The following FBN3 variants were observed in gnomAD, a reference collection of about 807,000 sequenced individuals.
FBN3 encodes fibrillin 3, also known as fibrillin-3.
A neutral mutation model predicts 330.1 loss-of-function variants in FBN3; 234 were observed. The ratio of observed to expected loss-of-function variants is 0.71; its 90% CI spans 0.64 to 0.79. The LOEUF (loss-of-function observed/expected upper bound fraction) is 0.79. FBN3 is among the 30% of genes least tolerant of loss of function. The probability of loss-of-function intolerance (pLI) is 0.00; values close to 1 mark genes in which losing one functional copy is unlikely to be tolerated. For missense variants in FBN3, 3,606 were observed against 3,886.9 expected (o/e 0.93, Z 1.92); for synonymous variants, 1,458 against 1,517.3 (o/e 0.96, Z 0.91).
In FBN3 at chr19:8,091,528, C is replaced by T. The variant is rs2082095014; in HGVS notation, c.5968G>A (p.Gly1990Arg). ...CLFGTCTNSP[G>R]SFQCLCPPGF... Reference sequence around the variant, plus strand: ...GGTGGGCAGAGGCACTGGAAGCTCCCAGGGCTGTTGGTACAGGTGCCAAAG... The same window carrying T: ...GGTGGGCAGAGGCACTGGAAGCTCCTAGGGCTGTTGGTACAGGTGCCAAAG... Residue 1990 changes from glycine to arginine, a missense_variant, in exon 48 of 64, where the codon GGG (glycine) becomes AGG (arginine). By Grantham distance (125) the Gly-to-Arg change is moderately radical (BLOSUM62 -2). Transcript: ENST00000600128. 2 of 1,614,190 alleles carry T rather than the reference C, an allele frequency of 1.2e-6. No homozygotes were observed. Among genetic ancestry groups the T allele is most frequent in the Non-Finnish European group, 1.7e-6 (2 of 1,180,042 alleles).
In FBN3 at chr19:8,084,848, A is replaced by C. The variant is rs970060674; in HGVS notation, c.7087+515T>G. 3.6e-4 allele frequency among the ~76,000 whole-genome samples: 54 copies of C among 151,564 alleles called. 2 individuals carry two copies. Among genetic ancestry groups the C allele is most frequent in the Admixed American group, 3.5e-3 (54 of 15,226 alleles). Reference sequence around the variant, plus strand: ...GGTGATCCGGCCGCCTCAGCCTCCCAAAGTGCTGGGATTACAAGTGTGAGC... The same window carrying C: ...GGTGATCCGGCCGCCTCAGCCTCCCCAAGTGCTGGGATTACAAGTGTGAGC... On this transcript the variant is annotated intron_variant, in intron 56 of 63. Transcript: ENST00000600128.
chr19:8,071,936 G>A, intron 63 of FBN3, 112 bp downstream of exon 63: 3 of 1,105,622 alleles, frequency 2.7e-6, no homozygotes, highest in Non-Finnish European at 3.8e-6. Context: ...TTGGGATCTG[G>A]AGCCTGGTGC....
Position 8,138,186 on chromosome 19 carries a change from C to T in FBN3, c.1156G>A (p.Asp386Asn), listed in dbSNP as rs929042858. 2 of 1,613,174 alleles carry T rather than the reference C, an allele frequency of 1.2e-6. No homozygotes were observed. Among genetic ancestry groups the T allele is most frequent in the African/African-American group, 2.7e-5 (2 of 75,042 alleles). The change falls in exon 10 of 64, where the codon GAT (aspartate) becomes AAT (asparagine). Residue 386 changes from aspartate (D) to asparagine (N), a missense_variant. Coordinates refer to ENST00000600128, the MANE Select transcript of FBN3 (RefSeq NM_032447.5). ...GPARLNPHGS[D>N]ARGIPSLGPG... ...CCCAGGCTGGGGATCCCACGCGCAT[C>T]AGAGCCATGGGGGTTGAGTCGCGCT... is the stretch of plus-strand genomic sequence containing the variant.
Position 8,146,202 on chromosome 19 carries a change from C to T in FBN3, c.274G>A (p.Glu92Lys). 6.3e-7 allele frequency: 1 copy of T among 1,599,058 alleles called. No individual in the cohort carries two copies. The highest frequency in any genetic ancestry group is 8.5e-7 in the Non-Finnish European group (1 of 1,174,274). ...VVPICRRACG[E>K]GFCSQPNLCT... ...AGGTTGGGCTGGGAGCAGAAGCCTTCACCGCAGGCGCGCCTACAGATGGCT... is the reference window on the plus strand; with the variant it reads ...AGGTTGGGCTGGGAGCAGAAGCCTTTACCGCAGGCGCGCCTACAGATGGCT... Residue 92 changes from glutamate to lysine, a missense_variant, in exon 4 of 64, where the codon GAA becomes AAA. Coordinates refer to ENST00000600128, the MANE Select transcript of FBN3 (RefSeq NM_032447.5).
At position 8,131,688 on chromosome 19, in the gene FBN3, G is replaced by T. The variant is rs761545995; in HGVS notation, c.1856C>A (p.Thr619Asn). Residue 619 changes from threonine to asparagine, a missense_variant, in exon 15 of 64, where the codon ACC becomes AAC. Coordinates refer to ENST00000600128, the MANE Select transcript of FBN3 (RefSeq NM_032447.5). The surrounding 1 kb of genome is among the most constrained non-coding windows in gnomAD (Gnocchi z 4.5). The stretch of plus-strand genomic sequence containing the variant: ...GCCCTTCTCGATGGCCCCATAGCAG[G>T]TGCTGCGCACGTGGGTGTCCACGCA... Reference protein sequence around the residue: ...RVCVDTHVRSTCYGAIEKGSC... With the variant: ...RVCVDTHVRSNCYGAIEKGSC... 3 of 1,614,168 alleles carry T rather than the reference G, an allele frequency of 1.9e-6. No individual in the cohort carries two copies. Among genetic ancestry groups the T allele is most frequent in the South Asian group, 2.2e-5 (2 of 91,082 alleles).
intron 13 of FBN3, 25 bp downstream of exon 13, chr19:8,135,936 G>GAACCCCC: frequency 1.5e-6 from 1 of 668,778 alleles, no homozygotes. Flanking sequence ...GGAAGCCCCT[G>GAACCCCC]CCCACCCGCC....
chr19:8,106,259 T>C (rs2082436714), intron 37 of FBN3, 26 bp from the exon 38 acceptor site: 1 of 1,613,868 alleles, frequency 6.2e-7, no homozygotes, highest in African/African-American at 1.3e-5. Context: ...GAAGCCAAGC[T>C]TGGGAGCTAA....
At chr19:8,110,158 C>A (rs530146789) in intron 34 of FBN3, among the ~76,000 whole-genome samples, 1 of 152,196 alleles carries the variant, frequency 6.6e-6, no homozygotes, top group Non-Finnish European at 1.5e-5. Context: ...TGGGCTCAAG[C>A]GATCCTTCTG....
intron 19 of FBN3, 47 bp downstream of exon 19, chr19:8,126,666 A>G (rs753748621): frequency 1.3e-6 from 2 of 1,590,702 alleles, no homozygotes; most frequent in Non-Finnish European, 1.7e-6. Flanking sequence ...ACCCTGACCC[A>G]TAGACGCCCA....
intron 58 of FBN3, 74 bp downstream of exon 58, chr19:8,081,284 A>C: frequency 6.6e-7 from 1 of 1,525,750 alleles, no homozygotes; most frequent in Non-Finnish European, 8.9e-7. Flanking sequence ...TGCAGGGGAC[A>C]TGTCTTGGGC....
In FBN3 at chr19:8,133,104, G is replaced by A. The variant is rs774659971; in HGVS notation, c.1594C>T (p.His532Tyr). Residue 532 changes from histidine to tyrosine, a missense_variant and splice_region_variant, in exon 14 of 64, where the codon CAC becomes TAC. Coordinates refer to ENST00000600128, the MANE Select transcript of FBN3 (RefSeq NM_032447.5). ...LSPDGKNCVD[H>Y]NECATSTMCV... ...ATGGTGCTGGTGGCACACTCGTTGT[G>A]GTCTGGGGACAACAGCAGAGGCTGG... The A allele has an allele frequency of 1.1e-5, 18 of 1,572,418 alleles. No homozygotes were observed. The South Asian group carries it at 2.0e-4, about 17-fold the overall frequency.
intron 57 of FBN3, among the ~76,000 whole-genome samples, 157 bp from the exon 58 acceptor site, chr19:8,081,637 A>C (rs2081787680): frequency 6.6e-6 from 1 of 152,154 alleles, no homozygotes; most frequent in African/African-American, 2.4e-5. Flanking sequence ...TGGGAAATAC[A>C]TTTGGTTTTG....
At chr19:8,135,544 T>C (rs1292964968) in intron 13 of FBN3, among the ~76,000 whole-genome samples, 1 of 132,756 alleles carries the variant, frequency 7.5e-6, no homozygotes, top group Non-Finnish European at 1.6e-5. Context: ...ACAGGCGTGA[T>C]CCACTACACT....
At chr19:8,144,647 C>T (rs531078375) in intron 6 of FBN3, among the ~76,000 whole-genome samples, 23 of 151,972 alleles carry the variant, frequency 1.5e-4, no homozygotes, top group African/African-American at 5.3e-4. Flanking sequence ...CTGGCACATC[C>T]TCTCTCTTTC....
At chr19:8,130,665 GAAAAGAAAAGAAAAGAAAA>G (rs1568440610) in intron 16 of FBN3, among the ~76,000 whole-genome samples, 7 of 109,530 alleles carry the variant, frequency 6.4e-5, no homozygotes, top group African/African-American at 2.0e-4. Flanking sequence ...GAAAGGAAAA[GAAAAGAAAAGAAAAGAAAA>G]GAAAAGAAAA....
At position 8,109,445 on chromosome 19, in the gene FBN3, G is replaced by A. The variant is rs536352176; in HGVS notation, c.4457-57C>T. 6.7e-5 allele frequency: 106 copies of A among 1,585,408 alleles called. No individual in the cohort carries two copies. The highest frequency in any genetic ancestry group is 1.7e-4 in the Middle Eastern group (1 of 6,020). On this transcript the variant is annotated intron_variant, in intron 35 of 63. Transcript: ENST00000600128. The surrounding 1 kb of genome is among the most constrained non-coding windows in gnomAD (Gnocchi z 5.2). The stretch of plus-strand genomic sequence containing the variant: ...GTCAGAGGGAAAGCTGTATGTGTGC[G>A]TGTGCATGCATGTGTCTATTTCAAC...
Position 8,109,384 on chromosome 19 carries a change from A to C in FBN3, c.4461T>G (p.Thr1487=). ...TCTCCAGGAAACAGTTCCCGGCCCG[A>C]GTGTCTGAACAGGCAGAAGGGGATG... ...LNPSGVGCVD[T]RAGNCFLETH... is the part of the protein sequence containing the mutation. The change falls in exon 36 of 64, where the codon ACT becomes ACG. Residue 1487 remains threonine, a synonymous_variant. Transcript: ENST00000600128. The surrounding 1 kb of genome is among the most constrained non-coding windows in gnomAD (Gnocchi z 5.2). 1 of 1,614,076 alleles carries C rather than the reference A, an allele frequency of 6.2e-7. No homozygotes were observed. The highest frequency in any genetic ancestry group is 8.5e-7 in the Non-Finnish European group (1 of 1,179,998).
chr19:8,146,120 C>T lies in FBN3; in HGVS notation c.349+7G>A, dbSNP rs760959489. 1.6e-5 allele frequency: 25 copies of T among 1,581,638 alleles called. No homozygotes were observed. The African/African-American group carries it at 2.3e-4, about 14-fold the overall frequency. On this transcript the variant is annotated splice_region_variant and intron_variant, in intron 4 of 63. Transcript: ENST00000600128. ...CTCCCTCCCGCAAGAGGCCGCTTCC[C>T]GCTCACCTCGGCTCACCCCGCAGCT... is the stretch of plus-strand genomic sequence containing the variant.
At chr19:8,119,699 A>G (rs1303183814) in intron 25 of FBN3, among the ~76,000 whole-genome samples, 3 of 151,376 alleles carry the variant, frequency 2.0e-5, no homozygotes, top group Non-Finnish European at 4.4e-5. Context: ...TTTTTAGTAG[A>G]GACAGCGTTT....
Sources: allele counts gnomAD v4.1 joint callset (sites outside exome capture counted in the v4.1 genomes callset), GRCh38; gene constraint gnomAD v4.1.1; non-coding constraint Gnocchi (gnomAD v3.1); transcripts MANE v1.5; gene names NCBI Gene and HGNC (gene_info 2026-07-23, HGNC 2026-07-21).